Variants in TNNI3K observed in about 807,000 individuals in gnomAD.
TNNI3K encodes serine/threonine-protein kinase TNNI3K.
Under a neutral mutation model 114.5 loss-of-function variants are expected in TNNI3K, and 140 were observed. The ratio of observed to expected loss-of-function variants is 1.22; its 90% CI spans 1.07 to 1.41. TNNI3K has a LOEUF of 1.41. Ranked by LOEUF, TNNI3K falls within the 40% of genes most tolerant of loss-of-function variation. The pLI, the probability that TNNI3K is intolerant of heterozygous loss-of-function variation, is 0.00. For missense variants in TNNI3K, 1,125 were observed against 1,007.6 expected (o/e 1.12, Z -1.58); for synonymous variants, 347 against 347.5 (o/e 1.00, Z 0.02).
intron 21 of TNNI3K, among the ~76,000 whole-genome samples, chr1:74,476,043 T>C (rs928685896): frequency 1.3e-5 from 2 of 152,120 alleles, no homozygotes; most frequent in Non-Finnish European, 2.9e-5. Context: ...CAACACCATC[T>C]GGAATCTCTT....
At chr1:74,248,332 C>T (rs996228822) in intron 2 of TNNI3K, among the ~76,000 whole-genome samples, 13 of 152,078 alleles carry the variant, frequency 8.5e-5, no homozygotes, top group African/African-American at 2.2e-4. Context: ...GCTCTGGCCT[C>T]GGCCAGTCCA....
chr1:74,369,033 A>G lies in TNNI3K; in HGVS notation c.1333A>G (p.Ile445Val), dbSNP rs147391967. The G allele has an allele frequency of 1.4e-5, 22 of 1,600,786 alleles. No individual in the cohort carries two copies. In the African/African-American group the frequency reaches 2.7e-4, roughly 20 times the overall value. Residue 445 changes from isoleucine to valine, a missense_variant, in exon 14 of 25, where the codon ATT becomes GTT. Coordinates refer to ENST00000326637, the MANE Select transcript of TNNI3K (RefSeq NM_015978.3). The stretch of plus-strand genomic sequence containing the variant: ...ATTTCTCTTTGCAGAGAAGGCAGAT[A>G]TTCTCCTCCTAAGAGCTGGATTGCC... ...IKSMTKEKAD[I>V]LLLRAGLPSH... is the part of the protein sequence containing the mutation.
intron 4 of TNNI3K, among the ~76,000 whole-genome samples, chr1:74,264,358 G>A (rs1655846864): frequency 6.6e-6 from 1 of 151,938 alleles, no homozygotes; most frequent in Non-Finnish European, 1.5e-5. Flanking sequence ...TATGATGCAC[G>A]AGGCAGCTCT....
At chr1:74,265,718 C>G (rs377457287) in intron 4 of TNNI3K, among the ~76,000 whole-genome samples, 9 of 152,000 alleles carry the variant, frequency 5.9e-5, no homozygotes, top group African/African-American at 2.2e-4. Flanking sequence ...ATCCTCACAA[C>G]AATGCTATGA....
intron 5 of TNNI3K, among the ~76,000 whole-genome samples, chr1:74,301,600 G>A (rs1213879540): frequency 1.3e-5 from 2 of 152,162 alleles, no homozygotes; most frequent in Non-Finnish European, 2.9e-5. Context: ...TTGATCCATT[G>A]TGTCCTGGGA....
intron 17 of TNNI3K, among the ~76,000 whole-genome samples, chr1:74,406,851 G>A (rs151260922): frequency 4.1e-4 from 62 of 152,252 alleles, no homozygotes; most frequent in African/African-American, 1.3e-3. Flanking sequence ...GAATGTCTCC[G>A]CTGCTGTTCC....
rs1570660763 is a variant in TNNI3K, at chr1:74,469,626, TTTC to T, written c.2121+6079_2121+6081del. ...TGCTTTTGCAAGACTTGGCAAAACT[TTTC>T]TTACTTGTTTTTTCATTCCTTAGAG... On this transcript the variant is annotated intron_variant, in intron 21 of 24. Coordinates refer to ENST00000326637, the MANE Select transcript of TNNI3K (RefSeq NM_015978.3). 3.0e-5 allele frequency: 10 copies of T among 332,158 alleles called. No individual in the cohort carries two copies. In the East Asian group the frequency reaches 4.5e-4, roughly 15 times the overall value. The allele number at this position is 332,158 out of a possible 1,614,324, so 20.6% of individuals were successfully genotyped here. A position where few individuals can be genotyped will look rare whatever the true frequency, so the allele number is the denominator to read the frequency against.
rs547773253 is a variant in TNNI3K, at chr1:74,538,059, C to T, written c.2352-2175C>T. Among the ~76,000 whole-genome samples, 22 of 152,240 alleles carry T rather than the reference C, an allele frequency of 1.4e-4. No homozygotes were observed. In the South Asian group the frequency reaches 4.6e-3, roughly 32 times the overall value. On this transcript the variant is annotated intron_variant, in intron 23 of 24. Transcript: ENST00000326637. Reference sequence around the variant, plus strand: ...ATTCAAGGAGTCTGGCACTAAAATGCTCATTCTTAACCGTAGCACTATACT... The same window carrying T: ...ATTCAAGGAGTCTGGCACTAAAATGTTCATTCTTAACCGTAGCACTATACT...
At chr1:74,499,409 A>G (rs912229591) in intron 23 of TNNI3K, among the ~76,000 whole-genome samples, 1 of 152,216 alleles carries the variant, frequency 6.6e-6, no homozygotes, top group Non-Finnish European at 1.5e-5. Context: ...GAGATTATAA[A>G]TATGAGCCAC....
At chr1:74,454,224 C>G (rs1196363771) in intron 20 of TNNI3K, among the ~76,000 whole-genome samples, 1 of 152,130 alleles carries the variant, frequency 6.6e-6, no homozygotes, top group African/African-American at 2.4e-5. Context: ...TAGGGACATT[C>G]TAATTCTGTT....
At chr1:74,341,387 A>T (rs1196059113) in intron 7 of TNNI3K, among the ~76,000 whole-genome samples, 1 of 152,148 alleles carries the variant, frequency 6.6e-6, no homozygotes, top group African/African-American at 2.4e-5. Flanking sequence ...ACGCTTTCCA[A>T]TCATGATCCT....
chr1:74,318,830 T>A, intron 5 of TNNI3K, among the ~76,000 whole-genome samples: 1 of 152,380 alleles, frequency 6.6e-6, no homozygotes, highest in East Asian at 1.9e-4. Context: ...AGCTAGGTAC[T>A]CAAAAATATT....
chr1:74,540,093 C>A (rs1646708133), intron 23 of TNNI3K, 141 bp from the exon 24 acceptor site: 1 of 779,872 alleles, frequency 1.3e-6, no homozygotes, highest in Non-Finnish European at 2.0e-6. Flanking sequence ...TCTTCCCCAA[C>A]TAGTTACTGT....
chr1:74,544,045 C>G lies in TNNI3K; in HGVS notation c.*63C>G. On this transcript the variant is annotated 3_prime_UTR_variant, in exon 25 of 25. Transcript: ENST00000326637. ...GAACTGACAGCAACGATTCCAACCA[C>G]GGCAAGCTGGCTTCCAACTATAACA... 6.4e-7 allele frequency: 1 copy of G among 1,558,234 alleles called. No homozygotes were observed. The highest frequency in any genetic ancestry group is 8.7e-7 in the Non-Finnish European group (1 of 1,146,948).
At position 74,479,121 on chromosome 1, in the gene TNNI3K, TG is replaced by T. The variant is rs552526484; in HGVS notation, c.2122-10066del. On this transcript the variant is annotated intron_variant, in intron 21 of 24. Transcript: ENST00000326637. ...GCACATATTTAAAATACGTCAGTCT[TG>T]GATGCCATTTGTTGGTCTCTGGTCT... Among the ~76,000 whole-genome samples, 115 of 152,326 alleles carry T rather than the reference TG, an allele frequency of 7.5e-4. 2 individuals are homozygous for T. The South Asian group carries it at 0.024, about 31-fold the overall frequency.
intron 17 of TNNI3K, among the ~76,000 whole-genome samples, chr1:74,410,826 A>G (rs1462731858): frequency 6.6e-6 from 1 of 152,194 alleles, no homozygotes; most frequent in Non-Finnish European, 1.5e-5. Flanking sequence ...GTGGTGCCTT[A>G]TGAGGAATCA....
intron 23 of TNNI3K, among the ~76,000 whole-genome samples, chr1:74,524,756 T>TA (rs1005185352): frequency 0.023 from 3,198 of 137,334 alleles, 94 homozygotes; most frequent in African/African-American, 0.076. Flanking sequence ...TTTAAAAAAG[T>TA]AAAAAAAAAA....
intron 5 of TNNI3K, among the ~76,000 whole-genome samples, chr1:74,325,751 A>G (rs1659866226): frequency 6.6e-6 from 1 of 152,132 alleles, no homozygotes; most frequent in Non-Finnish European, 1.5e-5. Flanking sequence ...GAAGTTTAGG[A>G]GGAAGGACAA....
At chr1:74,347,573 C>G (rs1471364006) in intron 9 of TNNI3K, among the ~76,000 whole-genome samples, 1 of 152,132 alleles carries the variant, frequency 6.6e-6, no homozygotes, top group Non-Finnish European at 1.5e-5. Flanking sequence ...GAGGAATTAC[C>G]ACGCCGACTT....
Sources: gnomAD v4.1 joint callset for allele counts (sites outside exome capture counted in the v4.1 genomes callset) on GRCh38, gnomAD v4.1.1 for gene constraint, MANE v1.5 for transcripts, NCBI Gene and HGNC (gene_info 2026-07-23, HGNC 2026-07-21) for gene names.